Variants in CCDC171 observed in about 807,000 individuals in gnomAD.
CCDC171 encodes the protein coiled-coil domain containing 171, also known as coiled-coil domain-containing protein 171.
In CCDC171, 177 loss-of-function variants were observed where a neutral mutation model predicts 168.2. The ratio of observed to expected loss-of-function variants is 1.05; its 90% CI spans 0.93 to 1.19. The LOEUF (loss-of-function observed/expected upper bound fraction) is 1.19. Among genes scored for constraint, CCDC171 ranks in the 50% most tolerant of loss-of-function variants. The pLI, the probability that CCDC171 is intolerant of heterozygous loss-of-function variation, is 0.00. For missense variants in CCDC171, 1,991 were observed against 1,539.0 expected (o/e 1.29, Z -4.91); for synonymous variants, 687 against 540.8 (o/e 1.27, Z -3.75).
At chr9:16,059,149 A>G (rs559716642) in intron 1 of CCDC171, among the ~76,000 whole-genome samples, 1 of 152,214 alleles carries the variant, frequency 6.6e-6, no homozygotes, top group South Asian at 2.1e-4. Context: ...GTCATTTTTG[A>G]TCTTATTACA....
At chr9:15,722,968 G>A (rs1312774036) in intron 12 of CCDC171, among the ~76,000 whole-genome samples, 1 of 152,146 alleles carries the variant, frequency 6.6e-6, no homozygotes, top group East Asian at 1.9e-4. Context: ...ACAGCGAATT[G>A]TTATTTGGGA....
intron 1 of CCDC171, among the ~76,000 whole-genome samples, chr9:15,560,148 G>C (rs193079016): frequency 1.3e-5 from 2 of 151,874 alleles, no homozygotes; most frequent in Non-Finnish European, 2.9e-5. Flanking sequence ...GACGTTTCTG[G>C]CTGCCCTTAA....
Position 15,686,076 on chromosome 9 carries a change from G to C in CCDC171, c.1215+7180G>C, listed in dbSNP as rs184019137. ...AAATATTAGCTCATATTTTAGTTAA[G>C]ATTGAGCTCTATACTTGAAAGAGAA... is the stretch of plus-strand genomic sequence containing the variant. On this transcript the variant is annotated intron_variant, in intron 10 of 25. Coordinates refer to ENST00000380701, the MANE Select transcript of CCDC171 (RefSeq NM_173550.4). 3.3e-5 allele frequency among the ~76,000 whole-genome samples: 5 copies of C among 152,202 alleles called. No individual in the cohort carries two copies. In the East Asian group the frequency reaches 5.8e-4, roughly 18 times the overall value.
At chr9:15,554,461 A>G (rs913928218) in intron 1 of CCDC171, among the ~76,000 whole-genome samples, 1 of 152,160 alleles carries the variant, frequency 6.6e-6, no homozygotes, top group Non-Finnish European at 1.5e-5. Flanking sequence ...GCATAGTCTT[A>G]GTTTGTAGCT....
chr9:15,584,523 C>T (rs1249325616), intron 4 of CCDC171, among the ~76,000 whole-genome samples: 6 of 152,054 alleles, frequency 3.9e-5, no homozygotes, highest in African/African-American at 1.4e-4. Context: ...AGTGGGAAAC[C>T]CAGCAAGCCT....
chr9:16,089,400 T>C, the CCDC171 span, among the ~76,000 whole-genome samples: 5 of 152,112 alleles, frequency 3.3e-5, no homozygotes, highest in African/African-American at 1.2e-4. Context: ...CATCTGTCAA[T>C]TTTGGCTTTT....
chr9:15,951,377 C>G (rs140329659), intron 25 of CCDC171, among the ~76,000 whole-genome samples: 3 of 152,096 alleles, frequency 2.0e-5, no homozygotes, highest in African/African-American at 7.2e-5. Context: ...CCTGGTGATT[C>G]TATTTTTAAT....
chr9:15,922,187 C>T (rs920511138), intron 25 of CCDC171: 1 of 399,264 alleles, frequency 2.5e-6, no homozygotes, highest in South Asian at 1.9e-5. Flanking sequence ...GAAACATTCC[C>T]CCAGGTGATT....
Position 15,689,970 on chromosome 9 carries a change from C to T in CCDC171, c.1216-5265C>T, listed in dbSNP as rs373270317. ...TGGGGGAAAGAATAATATTTTTCAA[C>T]AAATGGTGCTGAGAGAACTGGCTAT... On this transcript the variant is annotated intron_variant, in intron 10 of 25. Coordinates refer to ENST00000380701, the MANE Select transcript of CCDC171 (RefSeq NM_173550.4). Among the ~76,000 whole-genome samples, 5 of 152,096 alleles carry T rather than the reference C, an allele frequency of 3.3e-5. No individual in the cohort carries two copies. The East Asian group carries it at 5.8e-4, about 18-fold the overall frequency.
At chr9:16,002,824 T>C (rs1431399045) in intron 3 of CCDC171, among the ~76,000 whole-genome samples, 1 of 152,184 alleles carries the variant, frequency 6.6e-6, no homozygotes, top group Non-Finnish European at 1.5e-5. Context: ...ACTGTACTTT[T>C]GCTATGTTGA....
Position 15,578,978 on chromosome 9 carries a change from G to A in CCDC171, c.307G>A (p.Glu103Lys), listed in dbSNP as rs2040902209. The change falls in exon 4 of 26, where the codon GAA becomes AAA. Residue 103 changes from glutamate (E) to lysine (K), a missense_variant. Coordinates refer to ENST00000380701, the MANE Select transcript of CCDC171 (RefSeq NM_173550.4). ...KEAGLGRRAA[E>K]ERLAEAHRIQ... is the part of the protein sequence containing the mutation. ...AGCTGGTCTTGGAAGACGGGCTGCT[G>A]AAGAAAGATTAGCCGAGGCACATAG... 5 of 1,613,956 alleles carry A rather than the reference G, an allele frequency of 3.1e-6. No individual in the cohort carries two copies. In the African/African-American group the frequency reaches 5.3e-5, roughly 17 times the overall value.
chr9:15,737,109 C>T (rs986039371), intron 16 of CCDC171, among the ~76,000 whole-genome samples: 3 of 151,494 alleles, frequency 2.0e-5, no homozygotes, highest in Non-Finnish European at 4.4e-5. Context: ...AGTTTTAATA[C>T]ACTATATCAT....
chr9:15,668,863 A>G (rs1452387528), intron 9 of CCDC171, among the ~76,000 whole-genome samples: 1 of 152,128 alleles, frequency 6.6e-6, no homozygotes, highest in Non-Finnish European at 1.5e-5. Flanking sequence ...TCTGAAAAAA[A>G]TTCTGTTGTT....
the CCDC171 span, among the ~76,000 whole-genome samples, chr9:16,094,193 C>G: frequency 6.6e-6 from 1 of 152,108 alleles, no homozygotes; most frequent in East Asian, 1.9e-4. Flanking sequence ...GGGGTGGGCC[C>G]CAGCTGCATC....
At chr9:15,625,816 A>G (rs985128042) in intron 7 of CCDC171, among the ~76,000 whole-genome samples, 1 of 152,294 alleles carries the variant, frequency 6.6e-6, no homozygotes, top group Non-Finnish European at 1.5e-5. Flanking sequence ...TTTTGGTTTC[A>G]TATGAAATTT....
At chr9:15,864,466 C>T (rs73422742) in intron 23 of CCDC171, among the ~76,000 whole-genome samples, 188 of 152,138 alleles carry the variant, frequency 1.2e-3, no homozygotes, top group African/African-American at 4.1e-3. Flanking sequence ...CCCCGCTCCC[C>T]GCACCCCACG....
At chr9:16,093,535 G>A in the CCDC171 span, among the ~76,000 whole-genome samples, 6 of 152,366 alleles carry the variant, frequency 3.9e-5, no homozygotes, top group African/African-American at 1.2e-4. Context: ...GCATTCTAAT[G>A]AGTGGCTCCA....
At chr9:15,562,422 G>T (rs2039382167) in intron 1 of CCDC171, among the ~76,000 whole-genome samples, 1 of 152,144 alleles carries the variant, frequency 6.6e-6, no homozygotes, top group Admixed American at 6.6e-5. Flanking sequence ...ATATATCAGT[G>T]AGCTAGAAGT....
At chr9:15,959,648 A>G (rs540149613) in intron 25 of CCDC171, among the ~76,000 whole-genome samples, 5 of 152,126 alleles carry the variant, frequency 3.3e-5, no homozygotes, top group African/African-American at 9.7e-5. Context: ...GCCTTTTTGA[A>G]ACACCATTGT....
Sources: allele counts gnomAD v4.1 joint callset (sites outside exome capture counted in the v4.1 genomes callset), GRCh38; gene constraint gnomAD v4.1.1; transcripts MANE v1.5; gene names NCBI Gene and HGNC (gene_info 2026-07-23, HGNC 2026-07-21).